TEX36: variants seen among roughly 807,000 people sequenced by gnomAD.
TEX36 encodes the protein testis expressed 36.
In TEX36, 12 loss-of-function variants were observed where a neutral mutation model predicts 13.6. The ratio of observed to expected loss-of-function variants is 0.88; its 90% confidence interval spans 0.56 to 1.43. The LOEUF (loss-of-function observed/expected upper bound fraction) is 1.43, where lower values mean the gene tolerates loss of function less well. Among genes scored for constraint, TEX36 ranks in the 40% most tolerant of loss-of-function variants. The pLI, the probability that TEX36 is intolerant of heterozygous loss-of-function variation, is 0.00. For synonymous variants in TEX36, 93 were observed against 83.0 expected (o/e 1.12, Z -0.65); for missense variants, 224 against 228.3 (o/e 0.98, Z 0.12).
chr10:125,654,739 T>C (rs922881828), downstream of TEX36, among the ~76,000 whole-genome samples: 9 of 152,232 alleles, frequency 5.9e-5, no homozygotes, highest in African/African-American at 1.9e-4. Flanking sequence ...CAAGGTACCT[T>C]TTTTCCCCTT....
At chr10:125,604,551 T>C (rs1306441278) in intron 3 of TEX36, among the ~76,000 whole-genome samples, 1 of 152,174 alleles carries the variant, frequency 6.6e-6, no homozygotes, top group African/African-American at 2.4e-5. Flanking sequence ...CAGTGGCTCA[T>C]GCCTGCAATC....
chr10:125,596,537 T>C (rs1323275091), intron 3 of TEX36, among the ~76,000 whole-genome samples: 1 of 152,236 alleles, frequency 6.6e-6, no homozygotes, highest in Non-Finnish European at 1.5e-5. Flanking sequence ...CACAGCCTGG[T>C]TGATACCTTG....
chr10:125,624,801 A>G (rs1416835480), intron 3 of TEX36, among the ~76,000 whole-genome samples: 1 of 152,126 alleles, frequency 6.6e-6, no homozygotes, highest in Admixed American at 6.5e-5. Context: ...GCTCGGGGGC[A>G]GATCCCAGGG....
intron 3 of TEX36, among the ~76,000 whole-genome samples, chr10:125,628,793 GCATCCCAGA>G: frequency 6.6e-6 from 1 of 152,326 alleles, no homozygotes; most frequent in Non-Finnish European, 1.5e-5. Context: ...AGTGCCTGCT[GCATCCCAGA>G]CATTGTCACA....
At chr10:125,641,126 T>C in intron 3 of TEX36, among the ~76,000 whole-genome samples, 1 of 152,172 alleles carries the variant, frequency 6.6e-6, no homozygotes, top group East Asian at 1.9e-4. Flanking sequence ...TAAACTGCAA[T>C]GTAGAAATTG....
chr10:125,611,956 T>C (rs1187499397), intron 3 of TEX36, among the ~76,000 whole-genome samples: 1 of 152,130 alleles, frequency 6.6e-6, no homozygotes, highest in East Asian at 1.9e-4. Flanking sequence ...CTTTGCACAA[T>C]GGCAGTATTT....
chr10:125,626,072 G>A (rs1349790892), intron 3 of TEX36, among the ~76,000 whole-genome samples: 5 of 152,202 alleles, frequency 3.3e-5, no homozygotes, highest in Admixed American at 2.0e-4. Context: ...ATAAAGGTCA[G>A]GCCATCTTAG....
At chr10:125,579,790 G>T (rs1650030734) in intron 3 of TEX36, among the ~76,000 whole-genome samples, 1 of 152,048 alleles carries the variant, frequency 6.6e-6, no homozygotes, top group African/African-American at 2.4e-5. Flanking sequence ...AGACATGCCT[G>T]CTTCCCCTTG....
downstream of TEX36, among the ~76,000 whole-genome samples, chr10:125,651,796 A>C (rs896717525): frequency 6.6e-6 from 1 of 152,234 alleles, no homozygotes; most frequent in Non-Finnish European, 1.5e-5. Flanking sequence ...AACTTCAGCA[A>C]AATCTCAGGA....
chr10:125,613,115 G>A (rs1044640413), intron 3 of TEX36, among the ~76,000 whole-genome samples: 6 of 151,458 alleles, frequency 4.0e-5, no homozygotes, highest in Admixed American at 2.0e-4. Flanking sequence ...GAGGTGCCCC[G>A]CCCGACTGTC....
chr10:125,642,501 A>G (rs535264521), intron 3 of TEX36, among the ~76,000 whole-genome samples: 1 of 152,344 alleles, frequency 6.6e-6, no homozygotes, highest in South Asian at 2.1e-4. Flanking sequence ...TGCGTGAAAC[A>G]TCATTTGATA....
At chr10:125,608,966 C>A (rs1237553075) in intron 3 of TEX36, among the ~76,000 whole-genome samples, 5 of 130,938 alleles carry the variant, frequency 3.8e-5, no homozygotes, top group Non-Finnish European at 7.9e-5. Flanking sequence ...GAAACCCCAC[C>A]TCTACTAAAA....
intron 3 of TEX36, among the ~76,000 whole-genome samples, chr10:125,590,151 G>A (rs1846003399): frequency 6.6e-6 from 1 of 151,782 alleles, no homozygotes; most frequent in South Asian, 2.1e-4. Context: ...CTCTTGCTCT[G>A]TCGCACAGGC....
intron 1 of TEX36, among the ~76,000 whole-genome samples, chr10:125,671,342 G>T (rs368000919): frequency 5.3e-5 from 8 of 152,230 alleles, no homozygotes; most frequent in South Asian, 2.1e-4. Flanking sequence ...TAACATGAAG[G>T]GATGTTGAAT....
chr10:125,665,681 T>C (rs1565188946), intron 1 of TEX36, among the ~76,000 whole-genome samples: 1 of 152,140 alleles, frequency 6.6e-6, no homozygotes, highest in African/African-American at 2.4e-5. Flanking sequence ...ATTCCTTTGG[T>C]TATTCTGGCT....
intron 3 of TEX36, among the ~76,000 whole-genome samples, chr10:125,603,714 C>T (rs1039416022): frequency 2.6e-5 from 4 of 152,296 alleles, no homozygotes; most frequent in East Asian, 3.9e-4. Context: ...AAAAGGACAA[C>T]GTATCCACAG....
At chr10:125,658,746 A>G (rs533842915) in intron 3 of TEX36, among the ~76,000 whole-genome samples, 12 of 152,218 alleles carry the variant, frequency 7.9e-5, no homozygotes, top group Middle Eastern at 3.4e-3. Flanking sequence ...AACCATATAG[A>G]TAATTCAAAA....
At chr10:125,585,069 G>C (rs765810840) in intron 3 of TEX36, among the ~76,000 whole-genome samples, 1 of 152,120 alleles carries the variant, frequency 6.6e-6, no homozygotes, top group East Asian at 1.9e-4. Context: ...TGCAAGCTCC[G>C]GGAAGAGACC....
rs532979189 is a variant in TEX36, at chr10:125,649,339, G to T, written c.264+11682C>A. Among the ~76,000 whole-genome samples, 898 of 152,286 alleles carry T rather than the reference G, an allele frequency of 5.9e-3. 7 individuals are homozygous for T. The highest frequency in any genetic ancestry group is 0.021 in the African/African-American group (856 of 41,562). On this transcript the variant is annotated intron_variant, in intron 3 of 3. Coordinates refer to the TEX36 transcript ENST00000526819. Reference sequence around the variant, plus strand: ...AAACTCTACAAGCCAGAAGAGAGTGGGGGGCCAATATTCAACATTCTTAAA... The same window carrying T: ...AAACTCTACAAGCCAGAAGAGAGTGTGGGGCCAATATTCAACATTCTTAAA...
Sources: gnomAD v4.1 joint callset for allele counts (sites outside exome capture counted in the v4.1 genomes callset) on GRCh38, gnomAD v4.1.1 for gene constraint, MANE v1.5 for transcripts, NCBI Gene and HGNC (gene_info 2026-07-23, HGNC 2026-07-21) for gene names.